The following KIF27 variants were observed in gnomAD, a reference collection of about 807,000 sequenced individuals.
The protein encoded by KIF27 is kinesin-like protein KIF27.
KIF27 carries 84 observed loss-of-function variants against 141.8 expected under a neutral mutation model. The ratio of observed to expected loss-of-function variants is 0.59; its 90% CI spans 0.50 to 0.71. KIF27 has a LOEUF of 0.71. KIF27 is among the 30% of genes least tolerant of loss of function. KIF27 has a pLI of 0.00. For missense variants in KIF27, 1,306 were observed against 1,628.4 expected, an observed-to-expected ratio of 0.80 and a Z score of 3.41; for synonymous variants, 471 against 569.5, an observed-to-expected ratio of 0.83 and a Z score of 2.46.
chr9:83,905,516 C>T (rs371583042), intron 3 of KIF27, among the ~76,000 whole-genome samples: 1 of 152,182 alleles, frequency 6.6e-6, no homozygotes, highest in African/African-American at 2.4e-5. Context: ...TGCCATAATT[C>T]CTCTTTACTC....
chr9:83,903,965 G>A lies in KIF27; in HGVS notation c.553C>T (p.Leu185Phe), dbSNP rs746463879. 18 of 1,613,998 alleles carry A rather than the reference G, an allele frequency of 1.1e-5. No homozygotes were observed. The highest frequency in any genetic ancestry group is 1.5e-5 in the Non-Finnish European group (18 of 1,179,982). ...HVESAGEVMSLLEMGNAARHT... is the reference protein window; with the variant it reads ...HVESAGEVMSFLEMGNAARHT... ...CTGGCTGCATTCCCCATCTCCAAAA[G>A]ACTCATCACTTCACCTGCACTCTCC... Residue 185 changes from leucine to phenylalanine, a missense_variant, in exon 4 of 18, where the codon CTT becomes TTT. Transcript: ENST00000297814.
chr9:83,877,147 A>G (rs1275161038), intron 11 of KIF27, among the ~76,000 whole-genome samples: 2 of 152,188 alleles, frequency 1.3e-5, no homozygotes, highest in African/African-American at 2.4e-5. Context: ...AATGATTACT[A>G]TAGTCAAGCT....
chr9:83,878,161 C>CAAAAAA (rs58897060), intron 11 of KIF27, among the ~76,000 whole-genome samples: 1 of 38,476 alleles, frequency 2.6e-5, no homozygotes, highest in Non-Finnish European at 5.1e-5. Flanking sequence ...GACTCTGTCT[C>CAAAAAA]AAAAAAAAAA....
At chr9:83,842,559 A>T (rs184624623) in intron 16 of KIF27, among the ~76,000 whole-genome samples, 158 bp from the exon 17 acceptor site, 44 of 152,148 alleles carry the variant, frequency 2.9e-4, no homozygotes, top group African/African-American at 1.0e-3. Flanking sequence ...TCCGCCTCCC[A>T]GGTTCACACC....
At chr9:83,847,204 T>A (rs1392958093) in intron 16 of KIF27, among the ~76,000 whole-genome samples, 2 of 152,190 alleles carry the variant, frequency 1.3e-5, no homozygotes, top group Non-Finnish European at 2.9e-5. Flanking sequence ...AAGGTGGTCA[T>A]CAATACCAGC....
At chr9:83,892,844 G>T (rs1351649539) in intron 5 of KIF27, among the ~76,000 whole-genome samples, 1 of 152,144 alleles carries the variant, frequency 6.6e-6, no homozygotes, top group African/African-American at 2.4e-5. Flanking sequence ...CACCAGGATG[G>T]TATAACAATT....
chr9:83,879,415 G>A (rs1951494436), intron 11 of KIF27, among the ~76,000 whole-genome samples: 1 of 150,784 alleles, frequency 6.6e-6, no homozygotes, highest in Non-Finnish European at 1.5e-5. Flanking sequence ...AACATGTGCA[G>A]GGACAGGGAG....
Position 83,853,503 on chromosome 9 carries a change from T to C in KIF27, c.3357+126A>G, listed in dbSNP as rs2542786. ...TAGTTCTATAAAGAGAAATCATGCT[T>C]AAATTTGTAGTTACATCATCAAATC... On this transcript the variant is annotated intron_variant, in intron 15 of 17. Coordinates refer to ENST00000297814, the MANE Select transcript of KIF27 (RefSeq NM_017576.4). 2.8e-4 allele frequency: 184 copies of C among 660,556 alleles called. 5 individuals are homozygous for C. In the South Asian group the frequency reaches 3.4e-3, roughly 12 times the overall value. The allele number at this position is 660,556 out of a possible 1,614,324, so 40.9% of individuals were successfully genotyped here.
intron 1 of KIF27, among the ~76,000 whole-genome samples, chr9:83,916,146 C>T (rs1319116984): frequency 6.6e-5 from 10 of 151,902 alleles, no homozygotes; most frequent in Admixed American, 1.3e-4. Context: ...ATTCTCCTGC[C>T]TCAGGCCTCT....
rs1170916386 is a variant in KIF27 at position 83,915,487 on chromosome 9, C to T, written c.105G>A (p.Gln35=). 2 of 1,613,844 alleles carry T rather than the reference C, an allele frequency of 1.2e-6. No individual in the cohort carries two copies. The highest frequency in any genetic ancestry group is 1.7e-6 in the Non-Finnish European group (2 of 1,179,822). Residue 35 remains glutamine (Q), a synonymous_variant, in exon 2 of 18, where the codon CAG becomes CAA. Transcript: ENST00000297814. ...CTCTATCTCTCCCAATGATAACTTG[C>T]TGGCTGTTTGGAATAACTCTCACAC... ...QVCVRVIPNS[Q]QVIIGRDRVF...
intron 12 of KIF27, among the ~76,000 whole-genome samples, chr9:83,869,483 C>G (rs546242993): frequency 6.6e-6 from 1 of 152,116 alleles, no homozygotes; most frequent in Non-Finnish European, 1.5e-5. Context: ...CACCTGTAAT[C>G]CCAGCACTTT....
In KIF27 at chr9:83,921,388, G is replaced by A. The variant is rs1031948359; in HGVS notation, c.-105C>T. 6.6e-6 allele frequency: 1 copy of A among 150,416 alleles called. No homozygotes were observed. The highest frequency in any genetic ancestry group is 2.5e-5 in the African/African-American group (1 of 40,796). The allele number at this position is 150,416 out of a possible 1,614,324, so 9.3% of individuals were successfully genotyped here. A position where few individuals can be genotyped will look rare whatever the true frequency, so the allele number is the denominator to read the frequency against. ...GCACTGACCGGCTCGGGACAGCCCA[G>A]GCCCCTGTCGGCGAGCGCTGGACTC... On this transcript the variant is annotated 5_prime_UTR_variant, in exon 1 of 18. Transcript: ENST00000297814.
intron 12 of KIF27, among the ~76,000 whole-genome samples, chr9:83,869,190 T>C (rs1301238261): frequency 2.6e-5 from 4 of 151,082 alleles, no homozygotes; most frequent in Non-Finnish European, 5.9e-5. Context: ...ACTAAGAAAA[T>C]GTAATGTAAA....
intron 11 of KIF27, among the ~76,000 whole-genome samples, chr9:83,870,880 A>G (rs942052932): frequency 1.3e-5 from 2 of 151,906 alleles, no homozygotes; most frequent in African/African-American, 4.8e-5. Context: ...TTGGGGCTCT[A>G]TTTGAGAAGA....
intron 3 of KIF27, 45 bp downstream of exon 3, chr9:83,908,407 T>G: frequency 1.8e-6 from 2 of 1,142,784 alleles, no homozygotes; most frequent in Non-Finnish European, 2.6e-6. Context: ...CATTAAAGCA[T>G]GTCTGTTTGC....
At position 83,915,644 on chromosome 9, in the gene KIF27, G is replaced by A. The variant is rs1382058456; in HGVS notation, c.-53C>T. The A allele has an allele frequency of 2.1e-5, 30 of 1,431,048 alleles. No individual in the cohort carries two copies. Among genetic ancestry groups the A allele is most frequent in the Middle Eastern group, 2.0e-4 (1 of 5,110 alleles). The allele number at this position is 1,431,048 out of a possible 1,614,324, so 88.6% of individuals were successfully genotyped here. ...TTCTATTTAATGTTCAGTATCTAGT[G>A]TGAGAGACTTCCATCTTATGTAAGA... On this transcript the variant is annotated 5_prime_UTR_variant, in exon 2 of 18. Coordinates refer to ENST00000297814, the MANE Select transcript of KIF27 (RefSeq NM_017576.4).
intron 11 of KIF27, among the ~76,000 whole-genome samples, chr9:83,872,428 AG>A (rs1564346510): frequency 6.6e-6 from 1 of 152,236 alleles, no homozygotes; most frequent in Non-Finnish European, 1.5e-5. Context: ...CATGAGTCAA[AG>A]CTGGACAGTT....
intron 5 of KIF27, among the ~76,000 whole-genome samples, chr9:83,894,526 T>TG (rs1952986004): frequency 6.6e-6 from 1 of 152,216 alleles, no homozygotes; most frequent in African/African-American, 2.4e-5. Context: ...GCTGTACACC[T>TG]GCTTTCCTTG....
At chr9:83,897,354 A>G (rs538888928) in intron 5 of KIF27, among the ~76,000 whole-genome samples, 2 of 152,178 alleles carry the variant, frequency 1.3e-5, no homozygotes, top group Non-Finnish European at 1.5e-5. Flanking sequence ...GATAGCACTC[A>G]AAACAGTTGT....
Sources: allele counts gnomAD v4.1 joint callset (sites outside exome capture counted in the v4.1 genomes callset), GRCh38; gene constraint gnomAD v4.1.1; transcripts MANE v1.5; gene names NCBI Gene and HGNC (gene_info 2026-07-23, HGNC 2026-07-21).